MUC5B: variants seen among roughly 807,000 people sequenced by gnomAD.
MUC5B encodes mucin 5B, oligomeric mucus/gel-forming, also known as mucin-5B.
MUC5B carries 116 observed loss-of-function variants against 376.9 expected under a neutral mutation model. The observed-to-expected ratio is 0.31, with a 90% CI of 0.26 to 0.36. The LOEUF (loss-of-function observed/expected upper bound fraction) is 0.36, where lower values mean the gene tolerates loss of function less well. MUC5B is among the 10% of genes least tolerant of loss of function. MUC5B has a pLI of 1.00. For missense variants in MUC5B, 7,165 were observed against 7,769.9 expected (o/e 0.92, Z 2.93); for synonymous variants, 3,517 against 3,390.9 (o/e 1.04, Z -1.29).
At position 1,227,234 on chromosome 11, in the gene MUC5B, C is replaced by T; in HGVS notation, c.577-74C>T. 3 of 1,570,816 alleles carry T rather than the reference C, an allele frequency of 1.9e-6. No homozygotes were observed. In the South Asian group the frequency reaches 3.4e-5, roughly 18 times the overall value. ...AGGGATGCCTCCCTGGGCTTGGGGT[C>T]ACGGGGCTTGGGGCATGTTGCCAGT... On this transcript the variant is annotated intron_variant, in intron 5 of 48. Transcript: ENST00000529681.
Position 1,251,532 on chromosome 11 carries a change from C to T in MUC5B, c.14652C>T (p.Ala4884=), listed in dbSNP as rs372399441. ...AHTPKVVTTM[A]TMPTATASTV... is the part of the protein sequence containing the mutation. The stretch of plus-strand genomic sequence containing the variant: ...CCCCCAAAGTGGTGACCACCATGGC[C>T]ACTATGCCCACAGCCACTGCCTCCA... Residue 4884 remains alanine (A), a synonymous_variant, in exon 31 of 49, where the codon GCC becomes GCT. Transcript: ENST00000529681. 74 of 1,612,976 alleles carry T rather than the reference C, an allele frequency of 4.6e-5. 1 individual carries two copies. The highest frequency in any genetic ancestry group is 3.4e-6 in the Non-Finnish European group (4 of 1,179,816).
Position 1,253,064 on chromosome 11 carries a change from G to C in MUC5B, c.15217+84G>C, listed in dbSNP as rs1238466184. On this transcript the variant is annotated intron_variant, in intron 33 of 48. Transcript: ENST00000529681. The surrounding 1 kb of genome is among the most constrained non-coding windows in gnomAD (Gnocchi z 4.3). Reference sequence around the variant, plus strand: ...CGGCTAGGCTGGCAGAATGGGGCATGGTGGGGCACAGTGGGGTGCAGTGGG... The same window carrying C: ...CGGCTAGGCTGGCAGAATGGGGCATCGTGGGGCACAGTGGGGTGCAGTGGG... 1.3e-6 allele frequency: 2 copies of C among 1,518,072 alleles called. No homozygotes were observed. The highest frequency in any genetic ancestry group is 1.8e-6 in the Non-Finnish European group (2 of 1,112,284). The allele number at this position is 1,518,072 out of a possible 1,614,324, so 94.0% of individuals were successfully genotyped here. A position where few individuals can be genotyped will look rare whatever the true frequency, so the allele number is the denominator to read the frequency against.
chr11:1,239,282 A>G, intron 26 of MUC5B, 156 bp from the exon 27 acceptor site: 1 of 1,018,188 alleles, frequency 9.8e-7, no homozygotes, highest in Non-Finnish European at 1.4e-6. Flanking sequence ...GTGGAGGGGA[A>G]GGTGAGGCAC....
intron 10 of MUC5B, 59 bp from the exon 11 acceptor site, chr11:1,229,946 G>A: frequency 6.4e-7 from 1 of 1,558,652 alleles, no homozygotes; most frequent in Non-Finnish European, 8.7e-7. Flanking sequence ...GTGGGGGTGT[G>A]GAGGGTGGGG....
At position 1,245,697 on chromosome 11, in the gene MUC5B, C is replaced by T. The variant is rs770118059; in HGVS notation, c.8817C>T (p.Asp2939=). 12 of 1,608,154 alleles carry T rather than the reference C, an allele frequency of 7.5e-6. No individual in the cohort carries two copies. Among genetic ancestry groups the T allele is most frequent in the African/African-American group, 4.1e-5 (3 of 73,744 alleles). The change falls in exon 31 of 49, where the codon GAC becomes GAT. Residue 2939 remains aspartate (D), a synonymous_variant. Transcript: ENST00000529681. ...ELGQVVECSL[D]FGLVCRNREQ... is the part of the protein sequence containing the mutation. The stretch of plus-strand genomic sequence containing the variant: ...GCCAGGTCGTGGAATGCAGCCTGGA[C>T]TTTGGCCTGGTCTGCAGGAACCGTG...
chr11:1,246,314 C>T lies in MUC5B; in HGVS notation c.9434C>T (p.Thr3145Ile). 6.2e-7 allele frequency: 1 copy of T among 1,601,730 alleles called. No homozygotes were observed. The highest frequency in any genetic ancestry group is 1.1e-5 in the South Asian group (1 of 90,150). Residue 3145 changes from threonine (T) to isoleucine (I), a missense_variant, in exon 31 of 49, where the codon ACT (threonine) becomes ATT (isoleucine). This residue lies in a region of MUC5B where 939 missense variants were observed against 770.6 expected (regional missense o/e 1.22). Transcript: ENST00000529681. ...GAGCTGACCACAGCAGCCACTACAACTGCAGCCACTGGCCCCACGGCCACC... is the reference window on the plus strand; with the variant it reads ...GAGCTGACCACAGCAGCCACTACAATTGCAGCCACTGGCCCCACGGCCACC... ...LTELTTAATT[T>I]AATGPTATPS... is the part of the protein sequence containing the mutation.
rs540738395 is a variant in MUC5B at position 1,225,592 on chromosome 11, G to A, written c.71-89G>A. ...ACCAAGGACCCCACATGCGGCTGCC[G>A]CACCAGGGATGTGGCCAGGTCCGTG... is the stretch of plus-strand genomic sequence containing the variant. On this transcript the variant is annotated intron_variant, in intron 1 of 48. Transcript: ENST00000529681. 293 of 1,218,042 alleles carry A rather than the reference G, an allele frequency of 2.4e-4. 8 individuals are homozygous for A. The South Asian group carries it at 3.8e-3, about 16-fold the overall frequency. 75.5% of individuals were successfully genotyped at this position (1,218,042 alleles called of 1,614,324 possible). A position where few individuals can be genotyped will look rare whatever the true frequency, so the allele number is the denominator to read the frequency against.
rs780243809 is a variant in MUC5B, at chr11:1,230,015, G to C, written c.1231G>C (p.Gly411Arg). ...NTTCSSCTCSGGLWQCQDLPC... is the reference protein window; with the variant it reads ...NTTCSSCTCSRGLWQCQDLPC... ...GGCCTCCCTCCCCAGCACCTGCTCC[G>C]GGGGGCTATGGCAGTGCCAGGACCT... is the stretch of plus-strand genomic sequence containing the variant. The change falls in exon 11 of 49, where the codon GGG (glycine) becomes CGG (arginine). Residue 411 changes from glycine (G) to arginine (R), a missense_variant. Gly to Arg is a moderately radical substitution (Grantham distance 125, BLOSUM62 -2). Around this residue, in one of 31 missense-constraint regions of MUC5B, gnomAD observed 640 missense variants for 733.0 expected, o/e 0.87. Coordinates refer to ENST00000529681, the MANE Select transcript of MUC5B (RefSeq NM_002458.3). The C allele has an allele frequency of 1.3e-6, 2 of 1,597,870 alleles. No individual in the cohort carries two copies. The highest frequency in any genetic ancestry group is 1.7e-6 in the Non-Finnish European group (2 of 1,172,680).
Position 1,231,404 on chromosome 11 carries a change from TC to T in MUC5B, c.1541-14del. On this transcript the variant is annotated intron_variant, in intron 13 of 48. Transcript: ENST00000529681. ...TGTCCCTGCACCCCTGACCGGCCTC[TC>T]CCCCACACTCCCGGCAGCCAACATC... 2 of 1,599,294 alleles carry T rather than the reference TC, an allele frequency of 1.3e-6. No homozygotes were observed. Among genetic ancestry groups the T allele is most frequent in the Non-Finnish European group, 8.5e-7 (1 of 1,172,046 alleles).
rs1862649301 is a variant in MUC5B, at chr11:1,250,534, C to A, written c.13654C>A (p.Pro4552Thr). The A allele has an allele frequency of 6.2e-7, 1 of 1,612,912 alleles. No individual in the cohort carries two copies. The highest frequency in any genetic ancestry group is 8.5e-7 in the Non-Finnish European group (1 of 1,179,364). ...CACGGCCACCATGTCCACAGCCACA[C>A]CCTCCTCCACTCCAGAGACTGTCCA... The part of the protein sequence containing the change: ...TPTATMSTAT[P>T]SSTPETVHTS... Residue 4552 changes from proline (P) to threonine (T), a missense_variant, in exon 31 of 49, where the codon CCC (proline) becomes ACC (threonine). Physicochemically the swap from Pro to Thr is conservative, Grantham distance 38 (BLOSUM62 -1). This residue lies in a region of MUC5B where 4 missense variants were observed against 19.3 expected (regional missense o/e 0.21). Transcript: ENST00000529681.
rs577818322 is a variant in MUC5B at position 1,242,227 on chromosome 11, C to T, written c.5347C>T (p.Arg1783Cys). 25 of 1,613,774 alleles carry T rather than the reference C, an allele frequency of 1.5e-5. 1 individual carries two copies. Among genetic ancestry groups the T allele is most frequent in the South Asian group, 7.7e-5 (7 of 91,082 alleles). Residue 1783 changes from arginine (R) to cysteine (C), a missense_variant, in exon 31 of 49, where the codon CGC (arginine) becomes TGC (cysteine). Transcript: ENST00000529681. ...TNTTTSQGTT[R>C]CQPKCEWTEW... ...CACCACCACCAGCCAGGGCACGACC[C>T]GCTGTCAACCGAAGTGTGAGTGGAC...
chr11:1,224,552 A>G (rs1259526659), intron 1 of MUC5B, among the ~76,000 whole-genome samples: 4 of 9,666 alleles, frequency 4.1e-4, no homozygotes, highest in Admixed American at 2.8e-3. Context: ...CTGTAGGGCC[A>G]GGGAGGGGCT....
At position 1,242,375 on chromosome 11, in the gene MUC5B, C is replaced by A; in HGVS notation, c.5495C>A (p.Ala1832Glu). 6.2e-7 allele frequency: 1 copy of A among 1,613,830 alleles called. No individual in the cohort carries two copies. Among genetic ancestry groups the A allele is most frequent in the Non-Finnish European group, 8.5e-7 (1 of 1,179,858 alleles). ...CWAPKSIECRAENYPEVSIDQ... is the reference protein window; with the variant it reads ...CWAPKSIECREENYPEVSIDQ... ...GCACCAAAGAGCATAGAGTGCCGGG[C>A]GGAGAACTACCCCGAGGTAAGCATC... Residue 1832 changes from alanine (A) to glutamate (E), a missense_variant, in exon 31 of 49, where the codon GCG becomes GAG. Ala to Glu is a moderately radical substitution (Grantham distance 107, BLOSUM62 -1). Transcript: ENST00000529681.
intron 48 of MUC5B, 132 bp from the exon 49 acceptor site, chr11:1,261,257 C>A: frequency 2.6e-6 from 2 of 760,456 alleles, no homozygotes; most frequent in Non-Finnish European, 4.2e-6. Context: ...CACGTGCCCA[C>A]AGAGCAGGCC....
chr11:1,254,941 G>C (rs1027565226), intron 35 of MUC5B, 61 bp downstream of exon 35: 3 of 1,104,566 alleles, frequency 2.7e-6, no homozygotes, highest in Non-Finnish European at 3.8e-6. Context: ...AACCCAGTGA[G>C]CATAGGGGAA....
rs770965048 is a variant in MUC5B, at chr11:1,249,839, C to T, written c.12959C>T (p.Ala4320Val). 1.7e-5 allele frequency: 27 copies of T among 1,613,594 alleles called. No individual in the cohort carries two copies. The African/African-American group carries it at 2.1e-4, about 13-fold the overall frequency. The stretch of plus-strand genomic sequence containing the variant: ...ACAAGCACAGCCACCAAATCCACAG[C>T]TACCAGCGTTACACCCATCCCCTCC... ...VLTSTATKST[A>V]TSVTPIPSST... The change falls in exon 31 of 49, where the codon GCT becomes GTT. Residue 4320 changes from alanine (A) to valine (V), a missense_variant. Ala to Val is a moderately conservative substitution (Grantham distance 64). Coordinates refer to ENST00000529681, the MANE Select transcript of MUC5B (RefSeq NM_002458.3).
Position 1,241,153 on chromosome 11 carries a change from C to T in MUC5B, c.4273C>T (p.Leu1425Phe). Reference sequence around the variant, plus strand: ...CTGTCACGACTACGAGCTGCGGGTTCTCTGCTGCGAATACGTGCCCTGTGG... The same window carrying T: ...CTGTCACGACTACGAGCTGCGGGTTTTCTGCTGCGAATACGTGCCCTGTGG... ...PLCHDYELRV[L>F]CCEYVPCGPS... Residue 1425 changes from leucine to phenylalanine, a missense_variant, in exon 31 of 49, where the codon CTC becomes TTC. Physicochemically the swap from Leu to Phe is conservative, Grantham distance 22. This residue lies in a region of MUC5B where 517 missense variants were observed against 545.3 expected (regional missense o/e 0.95). Transcript: ENST00000529681. 1.2e-6 allele frequency: 2 copies of T among 1,607,022 alleles called. No homozygotes were observed. Among genetic ancestry groups the T allele is most frequent in the African/African-American group, 1.3e-5 (1 of 74,936 alleles).
At chr11:1,239,178 T>A (rs977296458) in intron 26 of MUC5B, 151 bp downstream of exon 26, 1 of 1,059,186 alleles carries the variant, frequency 9.4e-7, no homozygotes, top group African/African-American at 1.6e-5. Flanking sequence ...CAAGTTTCTA[T>A]GCACAGAGGA....
Position 1,239,458 on chromosome 11 carries a change from A to G in MUC5B, c.3475A>G (p.Asn1159Asp), listed in dbSNP as rs1388671016. The change falls in exon 27 of 49, where the codon AAC (asparagine) becomes GAC (aspartate). Residue 1159 changes from asparagine to aspartate, a missense_variant. This residue lies in a region of MUC5B where 143 missense variants were observed against 193.2 expected (regional missense o/e 0.74). Transcript: ENST00000529681. ...CCCAGCCTTGTTCTGTGACTTCTAC[A>G]ACCCACATGGGGGCTGTGAGTGGCA... ...DTCPLFCDFYNPHGGCEWHYQ... is the reference protein window; with the variant it reads ...DTCPLFCDFYDPHGGCEWHYQ... 3.7e-6 allele frequency: 6 copies of G among 1,607,794 alleles called. No homozygotes were observed. The South Asian group carries it at 6.6e-5, about 18-fold the overall frequency.
Sources: allele counts gnomAD v4.1 joint callset (sites outside exome capture counted in the v4.1 genomes callset), GRCh38; gene constraint gnomAD v4.1.1; regional missense constraint gnomAD v4.1.1; non-coding constraint Gnocchi (gnomAD v3.1); transcripts MANE v1.5; gene names NCBI Gene and HGNC (gene_info 2026-07-23, HGNC 2026-07-21).